The following PLEKHA7 variants were observed in gnomAD, a reference collection of about 807,000 sequenced individuals.
The protein encoded by PLEKHA7 is pleckstrin homology domain-containing family A member 7.
Under a neutral mutation model 170.0 loss-of-function variants are expected in PLEKHA7, and 104 were observed. That is an observed-to-expected ratio of 0.61 (90% confidence interval 0.52 to 0.72). The LOEUF (loss-of-function observed/expected upper bound fraction) is 0.72. PLEKHA7 is among the 30% of genes least tolerant of loss of function. The pLI is 0.00. For missense variants in PLEKHA7, 1,615 were observed against 1,671.7 expected, an observed-to-expected ratio of 0.97 and a Z score of 0.59; for synonymous variants, 648 against 660.8, an observed-to-expected ratio of 0.98 and a Z score of 0.30.
At chr11:16,945,298 C>T (rs1196386738) in intron 3 of PLEKHA7, among the ~76,000 whole-genome samples, 1 of 152,194 alleles carries the variant, frequency 6.6e-6, no homozygotes. Flanking sequence ...GCAAAAGCTT[C>T]ATTATCATTA....
At chr11:16,863,754 T>C (rs569978750) in intron 4 of PLEKHA7, among the ~76,000 whole-genome samples, 1 of 152,188 alleles carries the variant, frequency 6.6e-6, no homozygotes, top group East Asian at 1.9e-4. Context: ...GTCCTGGAAG[T>C]TCTGTGTCAA....
At chr11:16,926,485 T>G (rs2136292254) in intron 3 of PLEKHA7, among the ~76,000 whole-genome samples, 1 of 152,302 alleles carries the variant, frequency 6.6e-6, no homozygotes, top group East Asian at 1.9e-4. Context: ...CTTCCTACAC[T>G]CACAGTGCTT....
chr11:16,935,263 C>T (rs1031672383), intron 3 of PLEKHA7, among the ~76,000 whole-genome samples: 2 of 152,190 alleles, frequency 1.3e-5, no homozygotes, highest in African/African-American at 4.8e-5. Flanking sequence ...GGTGACACCC[C>T]GTCTCCACAA....
chr11:16,858,869 C>G (rs1416031041), intron 4 of PLEKHA7, among the ~76,000 whole-genome samples: 1 of 152,160 alleles, frequency 6.6e-6, no homozygotes, highest in Admixed American at 6.5e-5. Context: ...TGACACCCCC[C>G]AAACCCACAT....
At chr11:16,792,534 A>T (rs1847934229) in intron 19 of PLEKHA7, among the ~76,000 whole-genome samples, 1 of 93,274 alleles carries the variant, frequency 1.1e-5, no homozygotes, top group African/African-American at 3.9e-5. Context: ...ACTAAAATTA[A>T]AAAAAAAAAA....
chr11:16,996,659 G>A (rs1441955661), intron 3 of PLEKHA7, among the ~76,000 whole-genome samples: 3 of 152,156 alleles, frequency 2.0e-5, no homozygotes, highest in Non-Finnish European at 2.9e-5. Flanking sequence ...CTCAGAGGCC[G>A]GGCGCAGTGG....
At chr11:16,982,165 A>G (rs1457049074) in intron 3 of PLEKHA7, among the ~76,000 whole-genome samples, 1 of 152,242 alleles carries the variant, frequency 6.6e-6, no homozygotes, top group African/African-American at 2.4e-5. Context: ...ATACAAATAG[A>G]TATCTGAATG....
intron 13 of PLEKHA7, among the ~76,000 whole-genome samples, chr11:16,808,335 G>T (rs775153976): frequency 1.3e-5 from 2 of 152,108 alleles, no homozygotes; most frequent in Non-Finnish European, 2.9e-5. Flanking sequence ...TTCTTCTCCA[G>T]AACAATAGAC....
In PLEKHA7 at chr11:16,790,235, TGAG is replaced by T. The variant is rs1847747984; in HGVS notation, c.3053-360_3053-358del. 1.4e-5 allele frequency: 4 copies of T among 280,928 alleles called. No individual in the cohort carries two copies. In the South Asian group the frequency reaches 1.8e-4, roughly 12 times the overall value. 17.4% of individuals were successfully genotyped at this position (280,928 alleles called of 1,614,324 possible). A position where few individuals can be genotyped will look rare whatever the true frequency, so the allele number is the denominator to read the frequency against. Reference sequence around the variant, plus strand: ...GCACCCTGCACAACCCAACTTGGGGTGAGGAGGACAGTGAGAAGGACACTCAAC... The same window carrying T: ...GCACCCTGCACAACCCAACTTGGGGTGAGGACAGTGAGAAGGACACTCAAC... On this transcript the variant is annotated intron_variant, in intron 21 of 26. Coordinates refer to ENST00000531066, the MANE Select transcript of PLEKHA7 (RefSeq NM_001329630.2).
rs1379019776 is a variant in PLEKHA7, at chr11:16,777,469, G to A, written c.*1529C>T. 6.6e-6 allele frequency: 1 copy of A among 152,104 alleles called. No homozygotes were observed. The highest frequency in any genetic ancestry group is 1.5e-5 in the Non-Finnish European group (1 of 68,026). 9.4% of individuals were successfully genotyped at this position (152,104 alleles called of 1,614,324 possible). A position where few individuals can be genotyped will look rare whatever the true frequency, so the allele number is the denominator to read the frequency against. ...GAAGTCGATACTGGCAGCATATGGA[G>A]TTAGTTAAAAATAGACAACAACTGC... On this transcript the variant is annotated 3_prime_UTR_variant, in exon 27 of 27. Coordinates refer to ENST00000531066, the MANE Select transcript of PLEKHA7 (RefSeq NM_001329630.2).
chr11:16,969,910 T>C (rs1192139066), intron 3 of PLEKHA7, among the ~76,000 whole-genome samples: 2 of 152,210 alleles, frequency 1.3e-5, no homozygotes, highest in African/African-American at 4.8e-5. Context: ...AAGAGCTTAC[T>C]AGTACATACA....
chr11:16,869,860 A>G (rs1854688236), intron 4 of PLEKHA7, among the ~76,000 whole-genome samples: 2 of 152,244 alleles, frequency 1.3e-5, no homozygotes, highest in Non-Finnish European at 2.9e-5. Flanking sequence ...TTATTTTAAG[A>G]TCATATTTGG....
intron 10 of PLEKHA7, among the ~76,000 whole-genome samples, chr11:16,824,021 G>A (rs950694822): frequency 6.6e-6 from 1 of 152,166 alleles, no homozygotes; most frequent in Admixed American, 6.5e-5. Context: ...GACAAACTTT[G>A]CATGTTCTCA....
At chr11:16,870,297 A>C (rs1590403283) in intron 4 of PLEKHA7, among the ~76,000 whole-genome samples, 1 of 151,710 alleles carries the variant, frequency 6.6e-6, no homozygotes, top group Non-Finnish European at 1.5e-5. Flanking sequence ...CCCTACCCCC[A>C]CCCCCACACA....
intron 3 of PLEKHA7, among the ~76,000 whole-genome samples, chr11:16,935,060 G>C (rs1371860399): frequency 1.3e-5 from 2 of 152,226 alleles, no homozygotes; most frequent in Non-Finnish European, 2.9e-5. Context: ...TTCAGTAACT[G>C]TGTTACTTCT....
chr11:16,930,580 C>T (rs1030227394), intron 3 of PLEKHA7, among the ~76,000 whole-genome samples: 3 of 152,084 alleles, frequency 2.0e-5, no homozygotes, highest in African/African-American at 7.2e-5. Context: ...TTGCAAATAC[C>T]AACATTCTCT....
At chr11:16,915,962 AG>A (rs1858637221) in intron 3 of PLEKHA7, among the ~76,000 whole-genome samples, 2 of 149,548 alleles carry the variant, frequency 1.3e-5, no homozygotes, top group Admixed American at 1.3e-4. Flanking sequence ...TGGTTGAACT[AG>A]TTTACAGTCC....
At chr11:16,916,379 CA>C (rs1858681862) in intron 3 of PLEKHA7, among the ~76,000 whole-genome samples, 1 of 152,156 alleles carries the variant, frequency 6.6e-6, no homozygotes, top group Admixed American at 6.5e-5. Context: ...CGCAGAAAAC[CA>C]TGCTCAGAAC....
intron 3 of PLEKHA7, among the ~76,000 whole-genome samples, chr11:16,939,861 G>A (rs1238129845): frequency 6.6e-6 from 1 of 152,216 alleles, no homozygotes; most frequent in African/African-American, 2.4e-5. Flanking sequence ...GAAAATGTGT[G>A]TGGGGTGAAG....
Sources: allele counts gnomAD v4.1 joint callset (sites outside exome capture counted in the v4.1 genomes callset), GRCh38; gene constraint gnomAD v4.1.1; transcripts MANE v1.5; gene names NCBI Gene and HGNC (gene_info 2026-07-23, HGNC 2026-07-21).